PDS5B: variants seen among roughly 807,000 people sequenced by gnomAD.
PDS5B encodes PDS5 cohesin associated factor B, also known as sister chromatid cohesion protein PDS5 homolog B.
Under a neutral mutation model 184.1 loss-of-function variants are expected in PDS5B, and 51 were observed. That is an observed-to-expected ratio of 0.28 (90% CI 0.22 to 0.35). The LOEUF (loss-of-function observed/expected upper bound fraction) is 0.35. Among genes scored for constraint, PDS5B ranks in the 10% least tolerant of loss-of-function variants. The pLI is 1.00. For missense variants in PDS5B, 1,180 were observed against 1,723.3 expected (o/e 0.68, Z 5.58); for synonymous variants, 566 against 569.2 (o/e 0.99, Z 0.08).
intron 20 of PDS5B, among the ~76,000 whole-genome samples, chr13:32,734,503 C>G (rs1385194753): frequency 6.6e-6 from 1 of 152,122 alleles, no homozygotes; most frequent in Non-Finnish European, 1.5e-5. Flanking sequence ...TCCCCAAATT[C>G]AAGTGACTAG....
chr13:32,650,935 A>G (rs1046260081), intron 2 of PDS5B, among the ~76,000 whole-genome samples: 1 of 152,196 alleles, frequency 6.6e-6, no homozygotes, highest in Non-Finnish European at 1.5e-5. Flanking sequence ...AGCACCACCT[A>G]GTGGATGCTG....
At chr13:32,740,526 G>A (rs1333229778) in intron 21 of PDS5B, among the ~76,000 whole-genome samples, 4 of 151,996 alleles carry the variant, frequency 2.6e-5, no homozygotes, top group Non-Finnish European at 5.9e-5. Context: ...GTAAAAAATG[G>A]GATCTCAAGT....
rs757199573 is a variant in PDS5B at position 32,753,418 on chromosome 13, A to C, written c.2823A>C (p.Ala941=). ...TACGGCTTCCACTTGAGTATATGGC[A>C]ATCTGTGCCCTTTGTGCAAAAGATC... ...SRLRLPLEYM[A]ICALCAKDPV... Residue 941 remains alanine, a synonymous_variant, in exon 25 of 35, where the codon GCA becomes GCC. Coordinates refer to ENST00000315596, the MANE Select transcript of PDS5B (RefSeq NM_015032.4). 6.2e-6 allele frequency: 10 copies of C among 1,613,940 alleles called. No individual in the cohort carries two copies. In the South Asian group the frequency reaches 1.1e-4, roughly 18 times the overall value.
Position 32,696,849 on chromosome 13 carries a change from T to C in PDS5B, c.1552-5T>C. ...TAATTTTGCATTTTTTTGTGTGATT[T>C]ACAGACAGATGCCAGTGTCAAGGCC... is the stretch of plus-strand genomic sequence containing the variant. On this transcript the variant is annotated splice_region_variant and splice_polypyrimidine_tract_variant and intron_variant, in intron 14 of 34. Coordinates refer to ENST00000315596, the MANE Select transcript of PDS5B (RefSeq NM_015032.4). The C allele has an allele frequency of 6.3e-7, 1 of 1,595,172 alleles. No individual in the cohort carries two copies. Among genetic ancestry groups the C allele is most frequent in the South Asian group, 1.1e-5 (1 of 88,764 alleles).
chr13:32,602,056 T>C (rs930345893), intron 1 of PDS5B, among the ~76,000 whole-genome samples: 3 of 152,180 alleles, frequency 2.0e-5, no homozygotes, highest in Non-Finnish European at 2.9e-5. Flanking sequence ...TTCAAAACAA[T>C]GTTTTTCAGT....
intron 31 of PDS5B, among the ~76,000 whole-genome samples, chr13:32,768,947 C>CAAAA (rs770324221): frequency 2.4e-5 from 2 of 84,530 alleles, no homozygotes; most frequent in Non-Finnish European, 4.7e-5. Context: ...TAAAAAAATA[C>CAAAA]AAAAAAAAAA....
chr13:32,619,090 C>G (rs543226066), intron 1 of PDS5B, among the ~76,000 whole-genome samples: 1 of 152,326 alleles, frequency 6.6e-6, no homozygotes, highest in South Asian at 2.1e-4. Flanking sequence ...GCAAATACCC[C>G]TACCCTGTAT....
At chr13:32,710,602 G>C (rs960348167) in intron 19 of PDS5B, among the ~76,000 whole-genome samples, 1 of 152,060 alleles carries the variant, frequency 6.6e-6, no homozygotes, top group East Asian at 1.9e-4. Flanking sequence ...TGTTATCCTG[G>C]GATAATCATA....
intron 24 of PDS5B, among the ~76,000 whole-genome samples, chr13:32,752,917 G>C (rs998958294): frequency 1.3e-5 from 2 of 152,126 alleles, no homozygotes. Context: ...ACCATGCCCA[G>C]CTAGAGTTGT....
At chr13:32,613,624 TCTAGA>T (rs1566247950) in intron 1 of PDS5B, among the ~76,000 whole-genome samples, 1 of 152,244 alleles carries the variant, frequency 6.6e-6, no homozygotes, top group Non-Finnish European at 1.5e-5. Flanking sequence ...CTTTATATAT[TCTAGA>T]TACAAGTGCC....
chr13:32,680,338 A>T (rs1951204810), intron 10 of PDS5B, among the ~76,000 whole-genome samples: 1 of 152,172 alleles, frequency 6.6e-6, no homozygotes, highest in South Asian at 2.1e-4. Flanking sequence ...TGGGTCTGTC[A>T]ACTCTGAACT....
intron 6 of PDS5B, among the ~76,000 whole-genome samples, chr13:32,666,059 G>C (rs751114016): frequency 6.6e-6 from 1 of 151,968 alleles, no homozygotes; most frequent in Non-Finnish European, 1.5e-5. Context: ...TAGATAGAAG[G>C]CATAGTTCTT....
chr13:32,756,541 T>G (rs1261576533), intron 26 of PDS5B, among the ~76,000 whole-genome samples: 1 of 152,184 alleles, frequency 6.6e-6, no homozygotes, highest in African/African-American at 2.4e-5. Context: ...TATAGTGATA[T>G]TTAGAGAAAT....
At chr13:32,614,464 AT>A (rs1315217428) in intron 1 of PDS5B, among the ~76,000 whole-genome samples, 2 of 151,798 alleles carry the variant, frequency 1.3e-5, no homozygotes, top group Non-Finnish European at 2.9e-5. Context: ...TGCCTGGCTA[AT>A]TTTTGTATTT....
intron 30 of PDS5B, among the ~76,000 whole-genome samples, chr13:32,762,355 A>G (rs995478135): frequency 1.3e-5 from 2 of 152,216 alleles, no homozygotes; most frequent in African/African-American, 2.4e-5. Flanking sequence ...GTGACATTCT[A>G]TGAAATCTTA....
intron 17 of PDS5B, among the ~76,000 whole-genome samples, chr13:32,705,047 C>G (rs1227122349): frequency 1.3e-5 from 2 of 152,248 alleles, no homozygotes; most frequent in East Asian, 3.9e-4. Flanking sequence ...GTATACCTGG[C>G]TGTTAGTAGT....
At chr13:32,769,469 CAT>C (rs1954703724) in intron 31 of PDS5B, among the ~76,000 whole-genome samples, 1 of 152,182 alleles carries the variant, frequency 6.6e-6, no homozygotes, top group East Asian at 1.9e-4. Flanking sequence ...CGCTGGTTCA[CAT>C]ATAGATTCTC....
chr13:32,599,021 C>T (rs9595891), intron 1 of PDS5B, among the ~76,000 whole-genome samples: 50,881 of 151,904 alleles, frequency 0.33, 8,805 homozygotes, highest in Non-Finnish European at 0.39. Context: ...CCGTCTGCCT[C>T]GGCTTCCCAA....
intron 10 of PDS5B, 54 bp from the exon 11 acceptor site, chr13:32,683,824 T>C (rs1261648270): frequency 5.6e-6 from 7 of 1,239,672 alleles, no homozygotes; most frequent in Non-Finnish European, 1.2e-6. Flanking sequence ...ATGCAGTGTT[T>C]TAAAAATATT....
Sources: allele counts gnomAD v4.1 joint callset (sites outside exome capture counted in the v4.1 genomes callset), GRCh38; gene constraint gnomAD v4.1.1; transcripts MANE v1.5; gene names NCBI Gene and HGNC (gene_info 2026-07-23, HGNC 2026-07-21).